Variants in CFAP61 observed in about 807,000 individuals in gnomAD.
CFAP61 encodes the protein cilia- and flagella-associated protein 61.
A neutral mutation model predicts 135.6 loss-of-function variants in CFAP61; 107 were observed. The observed-to-expected ratio is 0.79, with a 90% CI of 0.67 to 0.93. The LOEUF (loss-of-function observed/expected upper bound fraction) is 0.93, where lower values mean the gene tolerates loss of function less well. Among genes scored for constraint, CFAP61 ranks in the 40% least tolerant of loss-of-function variants. CFAP61 has a pLI of 0.00. For missense variants in CFAP61, 1,507 were observed against 1,556.2 expected (o/e 0.97, Z 0.53); for synonymous variants, 575 against 578.5 (o/e 0.99, Z 0.09).
At chr20:20,295,815 C>A (rs1345272821) in intron 24 of CFAP61, among the ~76,000 whole-genome samples, 1 of 150,982 alleles carries the variant, frequency 6.6e-6, no homozygotes, top group African/African-American at 2.4e-5. Flanking sequence ...AGGAAACACA[C>A]GGGAATGAGC....
In CFAP61 at chr20:20,269,164, C is replaced by CACACACACACAT. The variant is rs372986717; in HGVS notation, c.2503+6035_2503+6036insCACACACACATA. On this transcript the variant is annotated intron_variant, in intron 21 of 26. Transcript: ENST00000245957. ...ATATATATACACACACACACACACA[C>CACACACACACAT]ATACATATATGTATATACACACACA... Among the ~76,000 whole-genome samples, 994 of 112,414 alleles carry CACACACACACAT rather than the reference C, an allele frequency of 8.8e-3. 47 individuals are homozygous for CACACACACACAT. Among genetic ancestry groups the CACACACACACAT allele is most frequent in the East Asian group, 0.018 (81 of 4,622 alleles). The allele number at this position is 112,414 out of a possible 152,430, so 73.7% of individuals were successfully genotyped here.
At chr20:20,085,392 T>A in intron 6 of CFAP61, 1 of 1,355,024 alleles carries the variant, frequency 7.4e-7, no homozygotes, top group East Asian at 4.6e-5. Context: ...TGATGCAAGA[T>A]CATAAATTAT....
chr20:20,173,386 A>C (rs569127486), intron 13 of CFAP61, among the ~76,000 whole-genome samples: 1 of 152,320 alleles, frequency 6.6e-6, no homozygotes, highest in Non-Finnish European at 1.5e-5. Context: ...GCCATTTTGC[A>C]TTCCCACCAG....
At chr20:20,264,548 C>A (rs117879871) in intron 21 of CFAP61, among the ~76,000 whole-genome samples, 1 of 152,162 alleles carries the variant, frequency 6.6e-6, no homozygotes, top group South Asian at 2.1e-4. Flanking sequence ...GTAGTAATCA[C>A]CCCATGATCT....
rs2059377263 is a variant in CFAP61 at position 20,359,025 on chromosome 20, G to GT, written c.3514-1184dup. The stretch of plus-strand genomic sequence containing the variant: ...TGCTCTGGAGGGCAGATATGCAGTG[G>GT]TGAAGCAAATATAGCAGATGTTAAC... On this transcript the variant is annotated intron_variant, in intron 26 of 26. Coordinates refer to ENST00000245957, the MANE Select transcript of CFAP61 (RefSeq NM_015585.4). This position sits in a 1 kb window ranked among gnomAD's most constrained non-coding sequence, Gnocchi z 4.0. Among the ~76,000 whole-genome samples, 2 of 152,282 alleles carry GT rather than the reference G, an allele frequency of 1.3e-5. No individual in the cohort carries two copies. The highest frequency in any genetic ancestry group is 3.9e-4 in the East Asian group (2 of 5,176).
At chr20:20,099,127 T>TCTCACA (rs1555856099) in intron 8 of CFAP61, among the ~76,000 whole-genome samples, 4 of 149,356 alleles carry the variant, frequency 2.7e-5, no homozygotes, top group Non-Finnish European at 5.9e-5. Flanking sequence ...GTTTCAGGTT[T>TCTCACA]CACACACACA....
At chr20:20,153,738 A>T (rs1380691563) in intron 9 of CFAP61, among the ~76,000 whole-genome samples, 2 of 152,140 alleles carry the variant, frequency 1.3e-5, no homozygotes, top group East Asian at 1.9e-4. Flanking sequence ...CAACAAAAAA[A>T]GTCCAGGACC....
chr20:20,199,961 T>C (rs2056525441), intron 17 of CFAP61, 59 bp downstream of exon 17: 2 of 1,587,064 alleles, frequency 1.3e-6, no homozygotes, highest in Admixed American at 1.7e-5. Flanking sequence ...GCCTGGCAGA[T>C]GGGGTGGCAG....
chr20:20,314,456 T>TG (rs1236410210), intron 25 of CFAP61, among the ~76,000 whole-genome samples: 43 of 150,108 alleles, frequency 2.9e-4, no homozygotes, highest in African/African-American at 1.0e-3. Context: ...ACCATAGCAG[T>TG]GGGGGTCCTT....
intron 21 of CFAP61, among the ~76,000 whole-genome samples, chr20:20,269,245 A>ATG: frequency 6.7e-6 from 1 of 148,414 alleles, no homozygotes; most frequent in Non-Finnish European, 1.5e-5. Context: ...ATATACACGT[A>ATG]TATGTGCATA....
At chr20:20,215,855 A>C (rs982283019) in intron 17 of CFAP61, among the ~76,000 whole-genome samples, 2 of 152,076 alleles carry the variant, frequency 1.3e-5, no homozygotes, top group East Asian at 1.9e-4. Flanking sequence ...AAATAAAAAA[A>C]CTTCATATTC....
intron 9 of CFAP61, among the ~76,000 whole-genome samples, chr20:20,156,820 C>T (rs1222098389): frequency 6.6e-6 from 1 of 152,100 alleles, no homozygotes; most frequent in Non-Finnish European, 1.5e-5. Context: ...ATGGTGAAAA[C>T]TACAAAACAT....
At chr20:20,068,133 T>C (rs543545071) in intron 2 of CFAP61, among the ~76,000 whole-genome samples, 4 of 152,358 alleles carry the variant, frequency 2.6e-5, no homozygotes, top group African/African-American at 7.2e-5. Flanking sequence ...TTCGTTAGAA[T>C]TGGATTCCAG....
At chr20:20,160,083 T>C (rs561183457) in intron 10 of CFAP61, among the ~76,000 whole-genome samples, 1 of 152,366 alleles carries the variant, frequency 6.6e-6, no homozygotes, top group Non-Finnish European at 1.5e-5. Context: ...GGCAGGGTCC[T>C]GTGAACCCTG....
At chr20:20,351,517 G>A (rs1337586852) in intron 26 of CFAP61, among the ~76,000 whole-genome samples, 2 of 151,742 alleles carry the variant, frequency 1.3e-5, no homozygotes, top group East Asian at 3.9e-4. Flanking sequence ...AGGAGGCGGA[G>A]ATTGCAGTGA....
intron 25 of CFAP61, among the ~76,000 whole-genome samples, chr20:20,307,803 C>T (rs2056567170): frequency 6.6e-6 from 1 of 152,014 alleles, no homozygotes. Context: ...AATAAATGTA[C>T]TAAGATGAGA....
rs1371973413 is a variant in CFAP61 at position 20,314,538 on chromosome 20, T to A, written c.3422+16152T>A. The stretch of plus-strand genomic sequence containing the variant: ...TTTTTTTTATTATTATTATTTATTT[T>A]TTTTATTATTATTATACTTTAAGTT... On this transcript the variant is annotated intron_variant, in intron 25 of 26. Coordinates refer to ENST00000245957, the MANE Select transcript of CFAP61 (RefSeq NM_015585.4). Among the ~76,000 whole-genome samples, 4 of 150,918 alleles carry A rather than the reference T, an allele frequency of 2.7e-5. No individual in the cohort carries two copies. In the East Asian group the frequency reaches 7.7e-4, roughly 29 times the overall value.
rs538467526 is a variant in CFAP61 at position 20,089,880 on chromosome 20, T to C, written c.567-964T>C. Among the ~76,000 whole-genome samples the C allele has an allele frequency of 2.6e-5, 4 of 152,298 alleles. No homozygotes were observed. The South Asian group carries it at 8.3e-4, about 32-fold the overall frequency. ...ATCACTTCACCAGCCTTCCCCTCCA[T>C]GGCAAGTGCAGAGGCATCTCAGGAA... On this transcript the variant is annotated intron_variant, in intron 6 of 26. Coordinates refer to ENST00000245957, the MANE Select transcript of CFAP61 (RefSeq NM_015585.4).
intron 13 of CFAP61, among the ~76,000 whole-genome samples, chr20:20,180,130 G>T (rs1407088968): frequency 6.6e-6 from 1 of 152,102 alleles, no homozygotes; most frequent in South Asian, 2.1e-4. Flanking sequence ...TCTGACAAAG[G>T]TCTAATATCC....
Sources: allele counts gnomAD v4.1 joint callset (sites outside exome capture counted in the v4.1 genomes callset), GRCh38; gene constraint gnomAD v4.1.1; non-coding constraint Gnocchi (gnomAD v3.1); transcripts MANE v1.5; gene names NCBI Gene and HGNC (gene_info 2026-07-23, HGNC 2026-07-21).